Variants in PADI6 observed in about 807,000 individuals in gnomAD.
PADI6 encodes peptidyl arginine deiminase 6, also known as inactive protein-arginine deiminase type-6.
In PADI6, 66 loss-of-function variants were observed where a neutral mutation model predicts 78.2. The ratio of observed to expected loss-of-function variants is 0.84; its 90% CI spans 0.69 to 1.04. The LOEUF (loss-of-function observed/expected upper bound fraction) is 1.04. Ranked by LOEUF, PADI6 falls within the 50% of genes least tolerant of loss-of-function variation. The pLI is 0.00. For missense variants in PADI6, 854 were observed against 866.1 expected (o/e 0.99, Z 0.18); for synonymous variants, 397 against 346.9 (o/e 1.14, Z -1.60).
intron 8 of PADI6, among the ~76,000 whole-genome samples, chr1:17,391,175 C>A (rs2075179314): frequency 6.6e-6 from 1 of 152,048 alleles, no homozygotes; most frequent in Admixed American, 6.6e-5. Flanking sequence ...GCCTTGCTGA[C>A]CTCCAACTTT....
At chr1:17,384,644 C>CGG (rs1160640710) in intron 6 of PADI6, among the ~76,000 whole-genome samples, 3 of 151,768 alleles carry the variant, frequency 2.0e-5, no homozygotes, top group Non-Finnish European at 1.5e-5. Context: ...GAGACTGAGG[C>CGG]GGGAGGATCA....
chr1:17,375,361 C>CT, intron 2 of PADI6, 66 bp from the exon 3 acceptor site: 8 of 1,437,844 alleles, frequency 5.6e-6, no homozygotes, highest in Non-Finnish European at 7.7e-6. Context: ...GGCACATGGC[C>CT]TGGGGCTCTG....
chr1:17,400,760 C>CCCTG (rs1460599827), intron 15 of PADI6, among the ~76,000 whole-genome samples: 3 of 152,154 alleles, frequency 2.0e-5, no homozygotes, highest in Non-Finnish European at 4.4e-5. Flanking sequence ...GGGACACAGG[C>CCCTG]CCTGCATGCT....
chr1:17,388,811 T>C lies in PADI6; in HGVS notation c.893T>C (p.Val298Ala), dbSNP rs1570139847. ...IPETVLYKDT[V>A]VFRVAPCVFI... ...GAGACTGTGCTGTACAAAGACACGG[T>C]GGTGTTCCGGGTGGCTCCCTGTGTC... Residue 298 changes from valine (V) to alanine (A), a missense_variant, in exon 8 of 16, where the codon GTG becomes GCG. Physicochemically the swap from Val to Ala is moderately conservative, Grantham distance 64. Transcript: ENST00000619609. 1 of 1,613,770 alleles carries C rather than the reference T, an allele frequency of 6.2e-7. No individual in the cohort carries two copies. The highest frequency in any genetic ancestry group is 8.5e-7 in the Non-Finnish European group (1 of 1,179,832).
At chr1:17,383,796 T>C (rs1470601456) in intron 6 of PADI6, among the ~76,000 whole-genome samples, 1 of 152,022 alleles carries the variant, frequency 6.6e-6, no homozygotes, top group East Asian at 1.9e-4. Flanking sequence ...GCCGAGATCA[T>C]GCCACTGTAC....
chr1:17,395,102 A>C lies in PADI6; in HGVS notation c.1489A>C (p.Lys497Gln). The C allele has an allele frequency of 1.2e-6, 2 of 1,613,742 alleles. No individual in the cohort carries two copies. The highest frequency in any genetic ancestry group is 1.7e-6 in the Non-Finnish European group (2 of 1,179,726). ...CCCCACAGATGACAAGAATGAGGGCAAAAAGGTCTGCTTTGGGGTCTGGAG... is the reference window on the plus strand; with the variant it reads ...CCCCACAGATGACAAGAATGAGGGCCAAAAGGTCTGCTTTGGGGTCTGGAG... ...FIPTDDKNEGKKGFLLLLASP... is the reference protein window; with the variant it reads ...FIPTDDKNEGQKGFLLLLASP... Residue 497 changes from lysine to glutamine, a missense_variant, in exon 12 of 16, where the codon AAA (lysine) becomes CAA (glutamine). Physicochemically the swap from Lys to Gln is moderately conservative, Grantham distance 53. Transcript: ENST00000619609.
At chr1:17,393,449 G>A (rs972253303) in intron 9 of PADI6, among the ~76,000 whole-genome samples, 3 of 152,056 alleles carry the variant, frequency 2.0e-5, no homozygotes, top group Non-Finnish European at 4.4e-5. Flanking sequence ...TGGCACCAGC[G>A]CAGAGCTGAC....
At chr1:17,378,913 A>G (rs974449836) in intron 3 of PADI6, among the ~76,000 whole-genome samples, 1 of 145,562 alleles carries the variant, frequency 6.9e-6, no homozygotes, top group African/African-American at 2.6e-5. Flanking sequence ...CTAATCCTTA[A>G]GTTTTAAAGG....
At chr1:17,376,335 T>C (rs1486253037) in intron 3 of PADI6, among the ~76,000 whole-genome samples, 2 of 151,880 alleles carry the variant, frequency 1.3e-5, no homozygotes, top group East Asian at 3.9e-4. Flanking sequence ...AGTCTTGCTC[T>C]GTTGCCCAGG....
Position 17,395,510 on chromosome 1 carries a change from C to T in PADI6, c.1495-30C>T, listed in dbSNP as rs1290051573. The T allele has an allele frequency of 1.9e-6, 3 of 1,546,286 alleles. No homozygotes were observed. The Admixed American group carries it at 5.9e-5, about 30-fold the overall frequency. On this transcript the variant is annotated intron_variant, in intron 12 of 15. Coordinates refer to ENST00000619609, the MANE Select transcript of PADI6 (RefSeq NM_207421.4). The stretch of plus-strand genomic sequence containing the variant: ...GAGCCACCATGTCCAGCTGAGAAAG[C>T]TGGCTTCTGACCCAAGTTCTGTTTC...
In PADI6 at chr1:17,395,588, C is replaced by G. The variant is rs374474859; in HGVS notation, c.1543C>G (p.Arg515Gly). Residue 515 changes from arginine (R) to glycine (G), a missense_variant, in exon 13 of 16, where the codon CGA (arginine) becomes GGA (glycine). Physicochemically the swap from Arg to Gly is moderately radical, Grantham distance 125. Coordinates refer to ENST00000619609, the MANE Select transcript of PADI6 (RefSeq NM_207421.4). Reference sequence around the variant, plus strand: ...CCCCAGTGCCTGCTATAAACTGTTCCGAGAGAAACAGAAGGAAGGCTATGG... The same window carrying G: ...CCCCAGTGCCTGCTATAAACTGTTCGGAGAGAAACAGAAGGAAGGCTATGG... ...ASPSACYKLFREKQKEGYGDA... is the reference protein window; with the variant it reads ...ASPSACYKLFGEKQKEGYGDA... 115 of 1,586,162 alleles carry G rather than the reference C, an allele frequency of 7.3e-5. No individual in the cohort carries two copies. The African/African-American group carries it at 1.1e-3, about 15-fold the overall frequency.
chr1:17,399,365 G>A (rs375464471), intron 15 of PADI6, among the ~76,000 whole-genome samples: 12 of 152,266 alleles, frequency 7.9e-5, no homozygotes, highest in Middle Eastern at 3.4e-3. Context: ...TTGGGAGGCC[G>A]AGGCAGGTGG....
At chr1:17,383,834 AATT>A (rs550382001) in intron 6 of PADI6, among the ~76,000 whole-genome samples, 42 of 151,738 alleles carry the variant, frequency 2.8e-4, no homozygotes, top group African/African-American at 9.2e-4. Context: ...TCAAAAAAAT[AATT>A]TTTTTAAAAA....
intron 6 of PADI6, among the ~76,000 whole-genome samples, chr1:17,386,777 A>G (rs1007677684): frequency 6.6e-6 from 1 of 152,208 alleles, no homozygotes; most frequent in African/African-American, 2.4e-5. Context: ...GCAGAACTGC[A>G]GAGTCCATCG....
At chr1:17,396,280 G>A (rs2075246561) in intron 13 of PADI6, among the ~76,000 whole-genome samples, 1 of 152,172 alleles carries the variant, frequency 6.6e-6, no homozygotes, top group Admixed American at 6.5e-5. Flanking sequence ...CAGCTACTCG[G>A]GAGGCTGAGG....
chr1:17,382,060 A>G lies in PADI6; in HGVS notation c.647A>G (p.Glu216Gly), dbSNP rs373091309. Reference sequence around the variant, plus strand: ...CTAGTCCTCCATACCTCCAAGGAAGAGTCGAAGAAGGCGAGAGTCTACTGG... The same window carrying G: ...CTAGTCCTCCATACCTCCAAGGAAGGGTCGAAGAAGGCGAGAGTCTACTGG... ...YRLVLHTSKE[E>G]SKKARVYWPQ... The change falls in exon 6 of 16, where the codon GAG (glutamate) becomes GGG (glycine). Residue 216 changes from glutamate to glycine, a missense_variant. Coordinates refer to ENST00000619609, the MANE Select transcript of PADI6 (RefSeq NM_207421.4). 73 of 1,613,894 alleles carry G rather than the reference A, an allele frequency of 4.5e-5. No individual in the cohort carries two copies. The highest frequency in any genetic ancestry group is 5.6e-5 in the Non-Finnish European group (66 of 1,179,888).
At position 17,394,291 on chromosome 1, in the gene PADI6, C is replaced by T. The variant is rs767987621; in HGVS notation, c.1183-9C>T. 3.7e-6 allele frequency: 6 copies of T among 1,611,246 alleles called. No individual in the cohort carries two copies. Among genetic ancestry groups the T allele is most frequent in the South Asian group, 2.2e-5 (2 of 91,014 alleles). ...TAACACCCCTTCCCTGGCTCGGTCT[C>T]TCCCCCAGAGCCCTGGTATTGGCTA... On this transcript the variant is annotated splice_polypyrimidine_tract_variant and intron_variant, in intron 10 of 15. Transcript: ENST00000619609.
At chr1:17,381,882 C>T in intron 5 of PADI6, 85 bp from the exon 6 acceptor site, 1 of 1,527,942 alleles carries the variant, frequency 6.5e-7, no homozygotes. Context: ...GTTCAAACTC[C>T]CGGCCCCTCT....
chr1:17,401,184 C>A (rs1447710780), intron 15 of PADI6, 21 bp from the exon 16 acceptor site: 1 of 1,610,930 alleles, frequency 6.2e-7, no homozygotes, highest in South Asian at 1.1e-5. Flanking sequence ...CCAGGCCTCA[C>A]CCACCCTGTC....
Sources: allele counts gnomAD v4.1 joint callset (sites outside exome capture counted in the v4.1 genomes callset), GRCh38; gene constraint gnomAD v4.1.1; transcripts MANE v1.5; gene names NCBI Gene and HGNC (gene_info 2026-07-23, HGNC 2026-07-21).